HSD11B1: variants seen among roughly 807,000 people sequenced by gnomAD.
HSD11B1 encodes the protein hydroxysteroid 11-beta dehydrogenase 1, also known as 11-beta-hydroxysteroid dehydrogenase 1.
Under a neutral mutation model 22.1 loss-of-function variants are expected in HSD11B1, and 15 were observed. That is an observed-to-expected ratio of 0.68 (90% CI 0.45 to 1.04). The LOEUF is 1.04. HSD11B1 is among the 50% of genes least tolerant of loss of function. The probability of loss-of-function intolerance (pLI) is 0.00; values close to 1 mark genes in which losing one functional copy is unlikely to be tolerated. For synonymous variants in HSD11B1, 122 were observed against 125.2 expected (o/e 0.97, Z 0.17); for missense variants, 281 against 357.6 (o/e 0.79, Z 1.73).
chr1:209,721,402 GA>G (rs148001373), intron 4 of HSD11B1, among the ~76,000 whole-genome samples: 15 of 98,660 alleles, frequency 1.5e-4, no homozygotes, highest in Middle Eastern at 8.8e-3. Context: ...TGGCTCAGCA[GA>G]AAAAAAAAAT....
intron 4 of HSD11B1, among the ~76,000 whole-genome samples, chr1:209,708,865 C>T (rs1282630166): frequency 6.6e-6 from 1 of 152,188 alleles, no homozygotes; most frequent in East Asian, 1.9e-4. Flanking sequence ...TTGGTAATTT[C>T]CATGAACTCT....
intron 1 of HSD11B1, among the ~76,000 whole-genome samples, chr1:209,697,666 T>C (rs2076798495): frequency 6.6e-6 from 1 of 152,140 alleles, no homozygotes; most frequent in Non-Finnish European, 1.5e-5. Context: ...TTTTGCCTTT[T>C]TGGGCTGTTT....
At position 209,690,388 on chromosome 1, in the gene HSD11B1, A is replaced by G. The variant is rs372845851; in HGVS notation, c.-49+4103A>G. Among the ~76,000 whole-genome samples, 17 of 152,284 alleles carry G rather than the reference A, an allele frequency of 1.1e-4. No homozygotes were observed. The East Asian group carries it at 3.1e-3, about 28-fold the overall frequency. ...AAAGAGCTCTTTAAATGAAAGCGCA[A>G]TTGGACATTTAAAAATTAAAATGAA... On this transcript the variant is annotated intron_variant, in intron 1 of 6. Transcript: ENST00000261465.
At chr1:209,714,798 C>T (rs2076920130) in intron 4 of HSD11B1, among the ~76,000 whole-genome samples, 1 of 152,180 alleles carries the variant, frequency 6.6e-6, no homozygotes, top group African/African-American at 2.4e-5. Context: ...GATTGAAAAA[C>T]TTGAGCAGGA....
chr1:209,716,675 T>C (rs1316423771), intron 4 of HSD11B1, among the ~76,000 whole-genome samples: 1 of 151,920 alleles, frequency 6.6e-6, no homozygotes, highest in South Asian at 2.1e-4. Flanking sequence ...TTAAAGGCTA[T>C]AGTAACCAAA....
At chr1:209,715,130 A>G (rs1300180132) in intron 4 of HSD11B1, among the ~76,000 whole-genome samples, 2 of 152,252 alleles carry the variant, frequency 1.3e-5, no homozygotes, top group Non-Finnish European at 2.9e-5. Flanking sequence ...ATACAGGAGC[A>G]TTAATCACAT....
chr1:209,708,389 TCTC>T (rs2076873945), intron 4 of HSD11B1, among the ~76,000 whole-genome samples: 2 of 152,178 alleles, frequency 1.3e-5, no homozygotes, highest in South Asian at 2.1e-4. Flanking sequence ...CGTAAAGAGT[TCTC>T]CTTTCTGGCC....
At chr1:209,708,092 G>A (rs74375766) in intron 4 of HSD11B1, among the ~76,000 whole-genome samples, 2,430 of 152,312 alleles carry the variant, frequency 0.016, 86 homozygotes, top group African/African-American at 0.055. Context: ...GGTCCCTGGT[G>A]TTCTGGATGG....
chr1:209,697,851 TAAAC>T (rs1412846653), intron 1 of HSD11B1, among the ~76,000 whole-genome samples: 2 of 145,176 alleles, frequency 1.4e-5, no homozygotes, highest in African/African-American at 5.0e-5. Flanking sequence ...AAATTTCAGA[TAAAC>T]AATGAATGAT....
chr1:209,724,681 C>T (rs1228333659), intron 4 of HSD11B1, among the ~76,000 whole-genome samples: 1 of 152,128 alleles, frequency 6.6e-6, no homozygotes, highest in East Asian at 1.9e-4. Flanking sequence ...CCCTTTTCAG[C>T]TTTCTGAAAC....
intron 4 of HSD11B1, among the ~76,000 whole-genome samples, chr1:209,716,325 T>C (rs887311552): frequency 4.9e-5 from 7 of 142,830 alleles, no homozygotes; most frequent in African/African-American, 1.6e-4. Flanking sequence ...CCATTTACAA[T>C]AGCTACAGAA....
At chr1:209,723,814 A>G (rs2076983239) in intron 4 of HSD11B1, among the ~76,000 whole-genome samples, 1 of 152,214 alleles carries the variant, frequency 6.6e-6, no homozygotes, top group Admixed American at 6.5e-5. Context: ...GCTGGCACCC[A>G]GCTAATATAT....
chr1:209,694,553 A>G (rs2076779587), intron 1 of HSD11B1, among the ~76,000 whole-genome samples: 1 of 152,218 alleles, frequency 6.6e-6, no homozygotes, highest in Admixed American at 6.5e-5. Context: ...GAATTTCAAA[A>G]ATAATGAAGA....
In HSD11B1 at chr1:209,706,940, C is replaced by T; in HGVS notation, c.332-3C>T. The T allele has an allele frequency of 6.2e-7, 1 of 1,613,536 alleles. No individual in the cohort carries two copies. The highest frequency in any genetic ancestry group is 8.5e-7 in the Non-Finnish European group (1 of 1,179,456). ...GATTTCTTAATATAGCCATCTCTTG[C>T]AGGAGGACTAGACATGCTCATTCTC... is the stretch of plus-strand genomic sequence containing the variant. On this transcript the variant is annotated splice_polypyrimidine_tract_variant and splice_region_variant and intron_variant, in intron 3 of 5. Coordinates refer to ENST00000367027, the MANE Select transcript of HSD11B1 (RefSeq NM_005525.4). The surrounding 1 kb of genome is among the most constrained non-coding windows in gnomAD (Gnocchi z 4.0).
intron 4 of HSD11B1, among the ~76,000 whole-genome samples, chr1:209,722,060 G>A (rs569246254): frequency 3.3e-5 from 5 of 152,254 alleles, no homozygotes; most frequent in South Asian, 2.1e-4. Context: ...GGCTAGGCAC[G>A]GGTGATTAGG....
upstream of HSD11B1, among the ~76,000 whole-genome samples, chr1:209,701,163 A>G (rs565342758): frequency 6.6e-6 from 1 of 152,338 alleles, no homozygotes; most frequent in African/African-American, 2.4e-5. Flanking sequence ...TTACCGTATT[A>G]GTTCATTTTA....
At chr1:209,701,630 A>G (rs533907403), upstream of HSD11B1, among the ~76,000 whole-genome samples, 3 of 152,344 alleles carry the variant, frequency 2.0e-5, no homozygotes, top group African/African-American at 7.2e-5. Flanking sequence ...TTGCCCAACA[A>G]GATTTCATTT....
intron 4 of HSD11B1, among the ~76,000 whole-genome samples, chr1:209,729,363 AAC>A (rs34574844): frequency 0.018 from 2,620 of 145,976 alleles, 28 homozygotes; most frequent in Middle Eastern, 0.039. Context: ...TGCCTCGGAA[AAC>A]ACACACACAC....
intron 1 of HSD11B1, 140 bp downstream of exon 1, chr1:209,705,170 G>A (rs1377976862): frequency 5.4e-6 from 4 of 740,390 alleles, no homozygotes; most frequent in South Asian, 2.9e-5. Context: ...TGGTATTTTT[G>A]TGTCCTCCAG....
Sources: allele counts gnomAD v4.1 joint callset (sites outside exome capture counted in the v4.1 genomes callset), GRCh38; gene constraint gnomAD v4.1.1; non-coding constraint Gnocchi (gnomAD v3.1); transcripts MANE v1.5; gene names NCBI Gene and HGNC (gene_info 2026-07-23, HGNC 2026-07-21).